Variants in SNX6 observed in about 807,000 individuals in gnomAD.
The protein encoded by SNX6 is sorting nexin-6.
Under a neutral mutation model 63.0 loss-of-function variants are expected in SNX6, and 34 were observed. The ratio of observed to expected loss-of-function variants is 0.54; its 90% CI spans 0.41 to 0.72. SNX6 has a LOEUF of 0.72. SNX6 is among the 30% of genes least tolerant of loss of function. SNX6 has a pLI of 0.00. For synonymous variants in SNX6, 170 were observed against 164.2 expected (o/e 1.04, Z -0.27); for missense variants, 398 against 471.4 (o/e 0.84, Z 1.44).
At chr14:34,593,569 C>A (rs905221187) in intron 7 of SNX6, among the ~76,000 whole-genome samples, 1 of 145,038 alleles carries the variant, frequency 6.9e-6, no homozygotes, top group Non-Finnish European at 1.5e-5. Context: ...CAGCTAATTT[C>A]TTTTCTTTTT....
At chr14:34,577,280 G>A (rs1439387569) in intron 10 of SNX6, among the ~76,000 whole-genome samples, 1 of 151,808 alleles carries the variant, frequency 6.6e-6, no homozygotes, top group African/African-American at 2.4e-5. Context: ...GTAGAGACGG[G>A]GTTTTGTCTT....
chr14:34,619,904 G>A (rs944724494), intron 2 of SNX6, among the ~76,000 whole-genome samples: 4 of 151,960 alleles, frequency 2.6e-5, no homozygotes, highest in African/African-American at 4.8e-5. Flanking sequence ...TAGAGATGAG[G>A]TCTCACTATG....
intron 13 of SNX6, among the ~76,000 whole-genome samples, chr14:34,566,432 T>TG (rs1738152808): frequency 6.6e-6 from 1 of 152,064 alleles, no homozygotes; most frequent in Admixed American, 6.6e-5. Flanking sequence ...AGGCTGGTCT[T>TG]GAACACCTGA....
intron 7 of SNX6, among the ~76,000 whole-genome samples, chr14:34,595,314 T>C (rs1882556597): frequency 6.6e-6 from 1 of 151,994 alleles, no homozygotes. Flanking sequence ...ATTTTGTATT[T>C]TTAGTAGAGA....
intron 2 of SNX6, among the ~76,000 whole-genome samples, chr14:34,612,726 G>A (rs1373220168): frequency 6.6e-6 from 1 of 151,684 alleles, no homozygotes; most frequent in African/African-American, 2.4e-5. Flanking sequence ...GAGCCACCAC[G>A]CCGAGCCAGG....
chr14:34,568,715 CCTGTCCAGCGATT>C, intron 11 of SNX6: 1 of 904,612 alleles, frequency 1.1e-6, no homozygotes, highest in Non-Finnish European at 1.9e-6. Flanking sequence ...GCAACTGCCA[CCTGTCCAGCGATT>C]CTGTCCAGAT....
intron 6 of SNX6, among the ~76,000 whole-genome samples, chr14:34,600,443 C>A (rs377702349): frequency 7.2e-6 from 1 of 138,738 alleles, no homozygotes; most frequent in South Asian, 2.2e-4. Context: ...TCTTCTTCTT[C>A]TTTTTTTTTT....
chr14:34,623,452 G>T (rs1413809407), intron 2 of SNX6, among the ~76,000 whole-genome samples: 2 of 152,140 alleles, frequency 1.3e-5, no homozygotes, highest in Non-Finnish European at 2.9e-5. Flanking sequence ...CCAAAAAAAG[G>T]GGTCCAAGGA....
At chr14:34,603,148 G>A (rs1278568837) in intron 6 of SNX6, among the ~76,000 whole-genome samples, 200 bp downstream of exon 6, 1 of 151,024 alleles carries the variant, frequency 6.6e-6, no homozygotes, top group African/African-American at 2.4e-5. Flanking sequence ...CGTGGTGGCA[G>A]GCGCCTGTAG....
rs111527758 is a variant in SNX6 at position 34,581,483 on chromosome 14, A to C, written c.834+78T>G. The C allele has an allele frequency of 3.1e-5, 27 of 864,312 alleles. 1 individual carries two copies. The African/African-American group carries it at 3.3e-4, about 11-fold the overall frequency. 53.5% of individuals were successfully genotyped at this position (864,312 alleles called of 1,614,324 possible). On this transcript the variant is annotated intron_variant, in intron 10 of 13. Transcript: ENST00000362031. Reference sequence around the variant, plus strand: ...ATCACTCTTTTAAAAAAATTTTCTGAATTGTGGTAAAAACCTTTAACATGA... The same window carrying C: ...ATCACTCTTTTAAAAAAATTTTCTGCATTGTGGTAAAAACCTTTAACATGA...
Position 34,563,121 on chromosome 14 carries a change from C to T in SNX6, c.*1G>A, listed in dbSNP as rs1881003633. 8.7e-6 allele frequency: 14 copies of T among 1,613,746 alleles called. No individual in the cohort carries two copies. The highest frequency in any genetic ancestry group is 1.2e-5 in the Non-Finnish European group (14 of 1,179,774). ...TTTTTAACAGGAAGGCGGAGTGTGG[C>T]TTATGTGTCTCCATTTAACACTGCC... is the stretch of plus-strand genomic sequence containing the variant. On this transcript the variant is annotated 3_prime_UTR_variant, in exon 14 of 14. Transcript: ENST00000362031.
At chr14:34,601,219 C>CTTTTTTTTT in intron 6 of SNX6, among the ~76,000 whole-genome samples, 1 of 142,538 alleles carries the variant, frequency 7.0e-6, no homozygotes. Flanking sequence ...AACCCTATTT[C>CTTTTTTTTT]TTTTTTTTTT....
chr14:34,599,502 G>C (rs1308413473), intron 6 of SNX6, among the ~76,000 whole-genome samples: 6 of 151,890 alleles, frequency 4.0e-5, no homozygotes, highest in Admixed American at 3.9e-4. Flanking sequence ...AGCTACTAGG[G>C]AGACTGAGGC....
chr14:34,611,804 A>G (rs1311617877), intron 2 of SNX6, among the ~76,000 whole-genome samples: 4 of 145,970 alleles, frequency 2.7e-5, no homozygotes, highest in Non-Finnish European at 6.0e-5. Context: ...TTGGAGACTG[A>G]GTCTCGCTCT....
At position 34,608,096 on chromosome 14, in the gene SNX6, C is replaced by T; in HGVS notation, c.204G>A (p.Arg68=). 2 of 1,610,020 alleles carry T rather than the reference C, an allele frequency of 1.2e-6. No individual in the cohort carries two copies. The highest frequency in any genetic ancestry group is 1.7e-6 in the Non-Finnish European group (2 of 1,177,504). Reference sequence around the variant, plus strand: ...GAAGCCAGATAAATTCCTCATGTTGCCGAACAACTGAAAACTCGTTTTGTT... The same window carrying T: ...GAAGCCAGATAAATTCCTCATGTTGTCGAACAACTGAAAACTCGTTTTGTT... ...NFKQNEFSVV[R]QHEEFIWLHD... is the part of the protein sequence containing the mutation. The change falls in exon 4 of 14, where the codon CGG becomes CGA. Residue 68 remains arginine, a synonymous_variant. Coordinates refer to ENST00000362031, the MANE Select transcript of SNX6 (RefSeq NM_152233.4).
At position 34,562,320 on chromosome 14, in the gene SNX6, T is replaced by G. The variant is rs1350119001; in HGVS notation, c.*802A>C. 1.3e-5 allele frequency: 2 copies of G among 152,304 alleles called. No individual in the cohort carries two copies. Among genetic ancestry groups the G allele is most frequent in the African/African-American group, 4.8e-5 (2 of 41,474 alleles). 9.4% of individuals were successfully genotyped at this position (152,304 alleles called of 1,614,324 possible). On this transcript the variant is annotated 3_prime_UTR_variant, in exon 14 of 14. Transcript: ENST00000362031. The stretch of plus-strand genomic sequence containing the variant: ...AAGTACACACAGAGGAGCAGTTCAT[T>G]CTTTTGTAAAGGGATTGGTGGACTT...
rs1330188621 is a variant in SNX6, at chr14:34,608,029, C to A, written c.270+1G>T. On this transcript the variant is annotated splice_donor_variant, in intron 4 of 13. Transcript: ENST00000362031. LOFTEE classifies it high-confidence loss of function. ...AATTAAAATGGAGTCTCAATACTTA[C>A]GATATAACCTGCATAGTCTTCATTT... 6.6e-7 allele frequency: 1 copy of A among 1,504,970 alleles called. No homozygotes were observed. The highest frequency in any genetic ancestry group is 1.2e-5 in the South Asian group (1 of 84,336). 93.2% of individuals were successfully genotyped at this position (1,504,970 alleles called of 1,614,324 possible).
chr14:34,587,694 T>C (rs1321966729), intron 8 of SNX6, among the ~76,000 whole-genome samples: 1 of 151,872 alleles, frequency 6.6e-6, no homozygotes, highest in Non-Finnish European at 1.5e-5. Context: ...CACGGTGGCA[T>C]GATCACGGCT....
In SNX6 at chr14:34,603,553, CTT is replaced by C. The variant is rs199707097; in HGVS notation, c.393-84_393-83del. On this transcript the variant is annotated intron_variant, in intron 5 of 13. Coordinates refer to ENST00000362031, the MANE Select transcript of SNX6 (RefSeq NM_152233.4). ...GCAACAATTTTTTTCAGAAAATACT[CTT>C]TGGATTATTCCGAATGCAAATCAGA... is the stretch of plus-strand genomic sequence containing the variant. 2.6e-3 allele frequency: 3,083 copies of C among 1,204,066 alleles called. 52 individuals are homozygous for C. The African/African-American group carries it at 0.036, about 14-fold the overall frequency. 74.6% of individuals were successfully genotyped at this position (1,204,066 alleles called of 1,614,324 possible).
Sources: gnomAD v4.1 joint callset for allele counts (sites outside exome capture counted in the v4.1 genomes callset) on GRCh38, gnomAD v4.1.1 for gene constraint, MANE v1.5 for transcripts, NCBI Gene and HGNC (gene_info 2026-07-23, HGNC 2026-07-21) for gene names.